Variants in ZNF680 observed in about 807,000 individuals in gnomAD.
ZNF680 encodes the protein zinc finger protein 680.
In ZNF680, 6 loss-of-function variants were observed where a neutral mutation model predicts 12.1. That is an observed-to-expected ratio of 0.49 (90% confidence interval 0.27 to 0.98). The LOEUF is 0.98. Among genes scored for constraint, ZNF680 ranks in the 50% least tolerant of loss-of-function variants. The pLI, the probability that ZNF680 is intolerant of heterozygous loss-of-function variation, is 0.12. For synonymous variants in ZNF680, 170 were observed against 199.3 expected, an observed-to-expected ratio of 0.85 and a Z score of 1.24; for missense variants, 561 against 616.3, an observed-to-expected ratio of 0.91 and a Z score of 0.95.
chr7:64,500,937 C>T, the ZNF680 span: 1 of 633,584 alleles, frequency 1.6e-6, no homozygotes, highest in Non-Finnish European at 3.0e-6. Flanking sequence ...GCAATCTTTT[C>T]GATGTGCAGC....
chr7:64,553,533 G>A (rs897970185), intron 1 of ZNF680, among the ~76,000 whole-genome samples: 23 of 152,204 alleles, frequency 1.5e-4, no homozygotes, highest in Non-Finnish European at 3.1e-4. Flanking sequence ...GGCACACTGT[G>A]TGCACTTGAA....
the ZNF680 span, among the ~76,000 whole-genome samples, chr7:64,506,319 G>A: frequency 6.7e-6 from 1 of 150,212 alleles, no homozygotes; most frequent in African/African-American, 2.5e-5. Flanking sequence ...CTCCTGCCTC[G>A]ACCTCCCCAG....
chr7:64,511,520 T>C, the ZNF680 span, among the ~76,000 whole-genome samples: 1 of 151,862 alleles, frequency 6.6e-6, no homozygotes, highest in Non-Finnish European at 1.5e-5. Flanking sequence ...CTCTAAAAAA[T>C]AGTCTCTGGC....
intron 3 of ZNF680, among the ~76,000 whole-genome samples, chr7:64,523,896 G>A (rs898843274): frequency 6.6e-6 from 1 of 150,460 alleles, no homozygotes; most frequent in African/African-American, 2.4e-5. Flanking sequence ...CTGGGCGACA[G>A]AGCGAGACTC....
At chr7:64,526,161 C>G (rs1014901709) in intron 3 of ZNF680, 5 of 907,360 alleles carry the variant, frequency 5.5e-6, no homozygotes, top group Admixed American at 5.9e-5. Context: ...TCAAGTACAT[C>G]AATATATTCA....
the ZNF680 span, chr7:64,501,469 T>A: frequency 2.3e-6 from 2 of 886,782 alleles, no homozygotes; most frequent in Non-Finnish European, 3.8e-6. Context: ...CCTGGAAAAA[T>A]TTAAAAGGAA....
At chr7:64,516,452 G>A (rs1791356411), downstream of ZNF680, among the ~76,000 whole-genome samples, 1 of 152,090 alleles carries the variant, frequency 6.6e-6, no homozygotes, top group African/African-American at 2.4e-5. Flanking sequence ...GGCTTTATAA[G>A]CTCCCAAATT....
At chr7:64,522,943 G>GA (rs1424708331) in intron 3 of ZNF680, among the ~76,000 whole-genome samples, 1 of 150,892 alleles carries the variant, frequency 6.6e-6, no homozygotes, top group African/African-American at 2.4e-5. Context: ...AAAAAAAAAA[G>GA]AAAAAACTTC....
intron 1 of ZNF680, among the ~76,000 whole-genome samples, chr7:64,555,074 C>T (rs1305138601): frequency 6.6e-6 from 1 of 152,094 alleles, no homozygotes; most frequent in Admixed American, 6.6e-5. Flanking sequence ...GATTCTGACA[C>T]AATAATAGTG....
At chr7:64,524,652 C>T (rs977878647) in intron 3 of ZNF680, 5 of 151,874 alleles carry the variant, frequency 3.3e-5, no homozygotes, top group South Asian at 2.1e-4. Flanking sequence ...GTAAAGAAAC[C>T]GGACTTGAAG....
In ZNF680 at chr7:64,522,277, G is replaced by T; in HGVS notation, c.477C>A (p.Tyr159Ter). 21 of 1,612,904 alleles carry T rather than the reference G, an allele frequency of 1.3e-5. No individual in the cohort carries two copies. The highest frequency in any genetic ancestry group is 1.8e-5 in the Non-Finnish European group (21 of 1,179,378). The part of the protein sequence containing the change: ...TQSKIFQCDK[Y>*]VKVFHKFSNS... The stretch of plus-strand genomic sequence containing the variant: ...TTGAAAATTTATGAAAGACTTTCAC[G>T]TATTTATCACATTGAAATATTTTGC... Residue 159 changes from tyrosine to a stop codon, truncating the protein, a stop_gained, in exon 4 of 4, where the codon TAC becomes TAA. Transcript: ENST00000309683. LOFTEE classifies it low-confidence loss of function (END_TRUNC).
At chr7:64,499,097 T>G in the ZNF680 span, among the ~76,000 whole-genome samples, 8 of 152,192 alleles carry the variant, frequency 5.3e-5, no homozygotes, top group Non-Finnish European at 1.0e-4. Flanking sequence ...CATTTTTATT[T>G]TGGCATTTTT....
chr7:64,505,931 C>T, the ZNF680 span, among the ~76,000 whole-genome samples: 1 of 152,126 alleles, frequency 6.6e-6, no homozygotes, highest in Non-Finnish European at 1.5e-5. Context: ...TACTTCCAGG[C>T]CAGCTGAAGT....
intron 3 of ZNF680, chr7:64,525,932 G>A (rs1311603284): frequency 2.4e-5 from 24 of 984,662 alleles, no homozygotes; most frequent in African/African-American, 1.0e-4. Flanking sequence ...CACAGAGATC[G>A]TTATATTGGT....
At chr7:64,536,186 A>G (rs535789192) in intron 3 of ZNF680, among the ~76,000 whole-genome samples, 9 of 152,228 alleles carry the variant, frequency 5.9e-5, no homozygotes, top group Non-Finnish European at 1.2e-4. Flanking sequence ...CCCCATTTTC[A>G]ATAATAAAAA....
intron 3 of ZNF680, among the ~76,000 whole-genome samples, chr7:64,526,700 G>GA (rs1181470163): frequency 6.6e-6 from 1 of 151,902 alleles, no homozygotes; most frequent in Non-Finnish European, 1.5e-5. Context: ...TTCTATATGA[G>GA]AAACTAAAAA....
At chr7:64,504,485 G>C in the ZNF680 span, among the ~76,000 whole-genome samples, 1 of 152,246 alleles carries the variant, frequency 6.6e-6, no homozygotes, top group South Asian at 2.1e-4. Flanking sequence ...AACTGTTTCT[G>C]ATTTATCTGG....
downstream of ZNF680, among the ~76,000 whole-genome samples, chr7:64,515,891 A>C (rs1244902895): frequency 6.6e-6 from 1 of 152,090 alleles, no homozygotes; most frequent in Non-Finnish European, 1.5e-5. Context: ...TCCCAGGCCA[A>C]GGTCCCAGGC....
chr7:64,500,461 GA>G, the ZNF680 span, among the ~76,000 whole-genome samples: 1 of 151,784 alleles, frequency 6.6e-6, no homozygotes, highest in Non-Finnish European at 1.5e-5. Flanking sequence ...GCCCTATGGG[GA>G]AAAAAAAGGA....
Sources: gnomAD v4.1 joint callset for allele counts (sites outside exome capture counted in the v4.1 genomes callset) on GRCh38, gnomAD v4.1.1 for gene constraint, MANE v1.5 for transcripts, NCBI Gene and HGNC (gene_info 2026-07-23, HGNC 2026-07-21) for gene names.